Variants in DCAF8L2 observed in about 807,000 individuals in gnomAD.
DCAF8L2 encodes the protein DDB1 and CUL4 associated factor 8 like 2, also known as DDB1- and CUL4-associated factor 8-like protein 2.
For missense variants in DCAF8L2, 430 were observed against 490.7 expected (o/e 0.88, Z 1.17); for synonymous variants, 200 against 190.9 (o/e 1.05, Z -0.39).
chrX:27,563,284 T>C, the DCAF8L2 span, among the ~76,000 whole-genome samples: 7 of 111,795 alleles, frequency 6.3e-5, no homozygotes, highest in Admixed American at 1.9e-4. Flanking sequence ...TGCCTGCTGG[T>C]TTTTATTGTT....
At chrX:27,615,043 A>G (rs148980023) in intron 1 of DCAF8L2, among the ~76,000 whole-genome samples, 78 of 111,396 alleles carry the variant, frequency 7.0e-4, no homozygotes, top group African/African-American at 2.1e-3. Flanking sequence ...GCATCTCTGC[A>G]TTTTTGGGTC....
the DCAF8L2 span, among the ~76,000 whole-genome samples, chrX:27,547,566 C>G: frequency 9.0e-6 from 1 of 110,709 alleles, no homozygotes; most frequent in Non-Finnish European, 1.9e-5. Context: ...GGAAGCAAGC[C>G]CATCTTACAT....
At chrX:27,560,049 C>T in the DCAF8L2 span, among the ~76,000 whole-genome samples, 3 of 110,478 alleles carry the variant, frequency 2.7e-5, no homozygotes, top group African/African-American at 9.9e-5. Context: ...AGGTGGATCA[C>T]GAGGTCAGGA....
intron 4 of DCAF8L2, among the ~76,000 whole-genome samples, chrX:27,725,871 T>C (rs1932054010): frequency 9.0e-6 from 1 of 110,927 alleles, no homozygotes; most frequent in African/African-American, 3.3e-5. Context: ...AATATATCTA[T>C]AAATATAAAT....
intron 1 of DCAF8L2, among the ~76,000 whole-genome samples, chrX:27,608,585 C>T (rs748235326): frequency 9.0e-6 from 1 of 111,260 alleles, no homozygotes; most frequent in South Asian, 3.8e-4. Flanking sequence ...GGAGTCTGCA[C>T]GTAAGGGAAG....
chrX:27,649,421 C>T (rs1252047942), intron 2 of DCAF8L2, among the ~76,000 whole-genome samples: 1 of 112,237 alleles, frequency 8.9e-6, no homozygotes, highest in Non-Finnish European at 1.9e-5. Flanking sequence ...TTTGCATTCC[C>T]ATCAACAGTA....
At chrX:27,646,605 C>T (rs750529626) in intron 2 of DCAF8L2, among the ~76,000 whole-genome samples, 2 of 111,369 alleles carry the variant, frequency 1.8e-5, no homozygotes, top group African/African-American at 3.3e-5. Context: ...AGGAAAGTAT[C>T]GTCAGAGTGA....
At chrX:27,726,380 A>C (rs978785490) in intron 4 of DCAF8L2, among the ~76,000 whole-genome samples, 4 of 111,661 alleles carry the variant, frequency 3.6e-5, no homozygotes, top group African/African-American at 1.3e-4. Flanking sequence ...GTCATGAGAC[A>C]TGTATTGTCT....
Position 27,748,442 on chromosome X carries a change from T to A in DCAF8L2, c.1547T>A (p.Ile516Lys). 8.3e-7 allele frequency: 1 copy of A among 1,207,271 alleles called. No individual in the cohort carries two copies. Among genetic ancestry groups the A allele is most frequent in the Non-Finnish European group, 1.1e-6 (1 of 892,891 alleles). Residue 516 changes from isoleucine (I) to lysine (K), a missense_variant, in exon 5 of 5, where the codon ATA (isoleucine) becomes AAA (lysine). Physicochemically the swap from Ile to Lys is moderately radical, Grantham distance 102. Transcript: ENST00000451261. ...CTAAAGGGGAGCAGAGAAGGTACAATAAACTGTCTTGAACCCCACCCTTAC... is the reference window on the plus strand; with the variant it reads ...CTAAAGGGGAGCAGAGAAGGTACAAAAAACTGTCTTGAACCCCACCCTTAC... ...QFLKGSREGT[I>K]NCLEPHPYLP... is the part of the protein sequence containing the mutation.
At chrX:27,517,472 T>C in the DCAF8L2 span, among the ~76,000 whole-genome samples, 3 of 106,915 alleles carry the variant, frequency 2.8e-5, no homozygotes, top group Non-Finnish European at 5.8e-5. Context: ...TTGTCAGACA[T>C]GCTAATTAGT....
Position 27,747,538 on chromosome X carries a change from G to A in DCAF8L2, c.643G>A (p.Val215Met). 2.5e-6 allele frequency: 3 copies of A among 1,182,263 alleles called. No individual in the cohort carries two copies. The highest frequency in any genetic ancestry group is 2.3e-6 in the Non-Finnish European group (2 of 880,355). ...VYEACGARAFVQRFRLQYRLA... is the reference protein window; with the variant it reads ...VYEACGARAFMQRFRLQYRLA... ...TGAGGCCTGTGGGGCAAGAGCCTTT[G>A]TGCAGCGTTTCCGCCTGCAATATCG... The change falls in exon 5 of 5, where the codon GTG becomes ATG. Residue 215 changes from valine (V) to methionine (M), a missense_variant. Val to Met is a conservative substitution (Grantham distance 21). Coordinates refer to ENST00000451261, the MANE Select transcript of DCAF8L2 (RefSeq NM_001353450.2).
At chrX:27,734,061 A>G (rs768275470) in intron 4 of DCAF8L2, among the ~76,000 whole-genome samples, 17 of 111,605 alleles carry the variant, frequency 1.5e-4, no homozygotes, top group Non-Finnish European at 3.2e-4. Flanking sequence ...TCATTTATGA[A>G]GAGCCCACAG....
the DCAF8L2 span, among the ~76,000 whole-genome samples, chrX:27,538,433 G>C: frequency 9.1e-6 from 1 of 109,833 alleles, no homozygotes; most frequent in African/African-American, 3.3e-5. Flanking sequence ...TTGCTTTGTC[G>C]CCCAGGCTGG....
chrX:27,698,317 A>C (rs1253384982), intron 3 of DCAF8L2, among the ~76,000 whole-genome samples: 1 of 111,577 alleles, frequency 9.0e-6, no homozygotes, highest in Admixed American at 9.5e-5. Flanking sequence ...TTTGTCTCCC[A>C]GCATAGAGGC....
chrX:27,490,905 T>C, the DCAF8L2 span, among the ~76,000 whole-genome samples: 1 of 111,940 alleles, frequency 8.9e-6, no homozygotes, highest in African/African-American at 3.3e-5. Flanking sequence ...TGTGTATTCA[T>C]TGTTTATCTC....
the DCAF8L2 span, chrX:27,517,676 G>T: frequency 1.5e-6 from 1 of 686,851 alleles, no homozygotes; most frequent in Non-Finnish European, 2.3e-6. Flanking sequence ...CTTTGGCGAG[G>T]TGGGATGCAT....
chrX:27,746,202 A>T (rs948596345), intron 4 of DCAF8L2, among the ~76,000 whole-genome samples: 25 of 111,994 alleles, frequency 2.2e-4, no homozygotes, highest in African/African-American at 7.8e-4. Context: ...AATAAATAAA[A>T]TTTTAGTGGC....
Position 27,697,523 on chromosome X carries a change from A to G in DCAF8L2, c.-142-18565A>G, listed in dbSNP as rs1317072485. On this transcript the variant is annotated intron_variant, in intron 3 of 4. Coordinates refer to ENST00000451261, the MANE Select transcript of DCAF8L2 (RefSeq NM_001353450.2). Reference sequence around the variant, plus strand: ...ATGTGCAGAGTTGGAGGATTGTAACATTTTTCAGGAACTCTACAAAGCAAT... The same window carrying G: ...ATGTGCAGAGTTGGAGGATTGTAACGTTTTTCAGGAACTCTACAAAGCAAT... 2.7e-5 allele frequency among the ~76,000 whole-genome samples: 3 copies of G among 111,423 alleles called. No homozygotes were observed. The Admixed American group carries it at 2.9e-4, about 11-fold the overall frequency.
At chrX:27,572,078 C>A in the DCAF8L2 span, among the ~76,000 whole-genome samples, 1 of 111,782 alleles carries the variant, frequency 8.9e-6, no homozygotes, top group Non-Finnish European at 1.9e-5. Context: ...ATTTTTGTAG[C>A]CATCAATAAC....
Sources: allele counts gnomAD v4.1 joint callset (sites outside exome capture counted in the v4.1 genomes callset), GRCh38; gene constraint gnomAD v4.1.1; transcripts MANE v1.5; gene names NCBI Gene and HGNC (gene_info 2026-07-23, HGNC 2026-07-21).